Variants in ADAMTSL1 observed in about 807,000 individuals in gnomAD.
ADAMTSL1 encodes ADAMTS-like protein 1.
A neutral mutation model predicts 201.8 loss-of-function variants in ADAMTSL1; 126 were observed. That is an observed-to-expected ratio of 0.62 (90% CI 0.54 to 0.72). The LOEUF is 0.72. ADAMTSL1 is among the 30% of genes least tolerant of loss of function. The probability of loss-of-function intolerance (pLI) is 0.00; values close to 1 mark genes in which losing one functional copy is unlikely to be tolerated. For synonymous variants in ADAMTSL1, 1,121 were observed against 903.4 expected, an observed-to-expected ratio of 1.24 and a Z score of -4.32; for missense variants, 2,679 against 2,277.8, an observed-to-expected ratio of 1.18 and a Z score of -3.59.
chr9:18,620,025 T>A (rs539684426), intron 4 of ADAMTSL1, among the ~76,000 whole-genome samples: 11 of 150,882 alleles, frequency 7.3e-5, no homozygotes, highest in South Asian at 2.1e-4. Flanking sequence ...ATTTTTTTTT[T>A]TTTTTTTTTT....
chr9:18,233,862 G>A (rs1311237938), intron 2 of ADAMTSL1, among the ~76,000 whole-genome samples: 2 of 152,170 alleles, frequency 1.3e-5, no homozygotes, highest in East Asian at 1.9e-4. Context: ...TGAGAGGCAA[G>A]GGAGGCACAG....
chr9:18,429,411 G>C (rs1175068338), intron 2 of ADAMTSL1, among the ~76,000 whole-genome samples: 1 of 152,120 alleles, frequency 6.6e-6, no homozygotes. Flanking sequence ...CTCTGTTTGG[G>C]TATTGGGATC....
At chr9:18,593,593 A>T (rs1824061770) in intron 4 of ADAMTSL1, among the ~76,000 whole-genome samples, 1 of 151,828 alleles carries the variant, frequency 6.6e-6, no homozygotes, top group African/African-American at 2.4e-5. Flanking sequence ...ATATTTTGTT[A>T]TGTCATGTTT....
chr9:18,188,040 T>C (rs1163656330), intron 2 of ADAMTSL1, among the ~76,000 whole-genome samples: 1 of 152,090 alleles, frequency 6.6e-6, no homozygotes, highest in Non-Finnish European at 1.5e-5. Context: ...CATTCATCCT[T>C]AGAGCTAGGT....
At chr9:17,953,906 C>CCT (rs948938180) in intron 1 of ADAMTSL1, among the ~76,000 whole-genome samples, 2 of 152,120 alleles carry the variant, frequency 1.3e-5, no homozygotes, top group African/African-American at 4.8e-5. Context: ...GATGAAATAG[C>CCT]TTATATAATT....
chr9:18,015,702 C>T (rs1399874968), intron 1 of ADAMTSL1, among the ~76,000 whole-genome samples: 1 of 151,938 alleles, frequency 6.6e-6, no homozygotes, highest in Non-Finnish European at 1.5e-5. Flanking sequence ...CTGAGGGCTG[C>T]CTGACCCTAA....
intron 1 of ADAMTSL1, among the ~76,000 whole-genome samples, chr9:18,475,749 G>T (rs1245539286): frequency 4.0e-5 from 6 of 151,622 alleles, no homozygotes; most frequent in Non-Finnish European, 5.9e-5. Context: ...TTCCTTCTTT[G>T]TGATTTTTTT....
chr9:17,938,409 T>C (rs1043331427), intron 1 of ADAMTSL1, among the ~76,000 whole-genome samples: 7 of 152,242 alleles, frequency 4.6e-5, no homozygotes, highest in African/African-American at 1.7e-4. Context: ...TTCAAAGAGA[T>C]ACCCCCAGGT....
At chr9:18,524,280 A>C (rs1818892999) in intron 2 of ADAMTSL1, among the ~76,000 whole-genome samples, 1 of 152,146 alleles carries the variant, frequency 6.6e-6, no homozygotes, top group Non-Finnish European at 1.5e-5. Context: ...TGATTTTTGC[A>C]TATTTATTTT....
At chr9:18,203,554 C>T (rs554524573) in intron 2 of ADAMTSL1, among the ~76,000 whole-genome samples, 1 of 151,210 alleles carries the variant, frequency 6.6e-6, no homozygotes, top group Non-Finnish European at 1.5e-5. Flanking sequence ...TCCTGAAACA[C>T]AAGGTCCTAG....
chr9:18,051,223 C>G (rs2131667049), intron 1 of ADAMTSL1, among the ~76,000 whole-genome samples: 1 of 152,210 alleles, frequency 6.6e-6, no homozygotes, highest in East Asian at 1.9e-4. Context: ...ATGGCGTGAA[C>G]CCAGGAGGAG....
intron 15 of ADAMTSL1, among the ~76,000 whole-genome samples, chr9:18,738,448 G>A (rs1818641187): frequency 6.6e-6 from 1 of 152,186 alleles, no homozygotes; most frequent in Admixed American, 6.5e-5. Context: ...CATTCATAGA[G>A]TTTGAGGATT....
chr9:18,400,284 T>C (rs1183132796), intron 2 of ADAMTSL1, among the ~76,000 whole-genome samples: 2 of 152,176 alleles, frequency 1.3e-5, no homozygotes, highest in Admixed American at 6.5e-5. Flanking sequence ...CATATTTCAG[T>C]TGGTGATATC....
intron 2 of ADAMTSL1, among the ~76,000 whole-genome samples, chr9:18,263,166 G>C (rs1236643869): frequency 6.6e-6 from 1 of 152,152 alleles, no homozygotes; most frequent in East Asian, 1.9e-4. Flanking sequence ...TGACCATTCA[G>C]TAAAGAAACC....
intron 14 of ADAMTSL1, chr9:18,718,445 A>G (rs1833104316): frequency 3.2e-6 from 2 of 625,642 alleles, no homozygotes; most frequent in African/African-American, 1.8e-5. Flanking sequence ...TTTTTCAACA[A>G]AAATTCCTTG....
intron 19 of ADAMTSL1, among the ~76,000 whole-genome samples, chr9:18,780,659 A>G (rs1588097698): frequency 1.3e-5 from 2 of 152,180 alleles, no homozygotes; most frequent in African/African-American, 4.8e-5. Context: ...ATCCTTTTAG[A>G]ATGTTTATAT....
intron 2 of ADAMTSL1, among the ~76,000 whole-genome samples, chr9:18,409,383 CAAAAA>C (rs781106126): frequency 1.3e-5 from 1 of 77,232 alleles, no homozygotes; most frequent in Admixed American, 1.5e-4. Flanking sequence ...AACTCCGTCT[CAAAAA>C]AAAAAAAAAA....
chr9:18,027,445 T>TAA (rs200523895), intron 1 of ADAMTSL1, among the ~76,000 whole-genome samples: 4 of 150,478 alleles, frequency 2.7e-5, no homozygotes, highest in African/African-American at 9.9e-5. Flanking sequence ...TTTTTTTTTT[T>TAA]ATTTCTGCCT....
At chr9:18,317,945 T>A (rs1834470598) in intron 2 of ADAMTSL1, among the ~76,000 whole-genome samples, 1 of 152,192 alleles carries the variant, frequency 6.6e-6, no homozygotes. Context: ...TCTGTGCTGC[T>A]TAGTGCAGGA....
Sources: allele counts gnomAD v4.1 joint callset (sites outside exome capture counted in the v4.1 genomes callset), GRCh38; gene constraint gnomAD v4.1.1; transcripts MANE v1.5; gene names NCBI Gene and HGNC (gene_info 2026-07-23, HGNC 2026-07-21).